Variants in MAGI3 observed in about 807,000 individuals in gnomAD.
The protein encoded by MAGI3 is membrane-associated guanylate kinase, WW and PDZ domain-containing protein 3.
Under a neutral mutation model 121.8 loss-of-function variants are expected in MAGI3, and 43 were observed. The observed-to-expected ratio is 0.35, with a 90% CI of 0.28 to 0.46. The LOEUF is 0.46. Ranked by LOEUF, MAGI3 falls within the 20% of genes least tolerant of loss-of-function variation. The pLI, the probability that MAGI3 is intolerant of heterozygous loss-of-function variation, is 1.00. For synonymous variants in MAGI3, 553 were observed against 639.3 expected (o/e 0.86, Z 2.04); for missense variants, 1,547 against 1,797.3 (o/e 0.86, Z 2.52).
At chr1:113,595,343 T>C (rs1206378506) in intron 6 of MAGI3, among the ~76,000 whole-genome samples, 1 of 151,928 alleles carries the variant, frequency 6.6e-6, no homozygotes, top group Non-Finnish European at 1.5e-5. Flanking sequence ...AAGAGTAGAG[T>C]TTTGTAAATA....
intron 2 of MAGI3, among the ~76,000 whole-genome samples, chr1:113,556,951 C>T (rs1397291941): frequency 6.6e-6 from 1 of 152,146 alleles, no homozygotes; most frequent in African/African-American, 2.4e-5. Context: ...ACAAAAACTA[C>T]CAGTGCTCAC....
At chr1:113,478,181 T>C (rs1223816225) in intron 1 of MAGI3, among the ~76,000 whole-genome samples, 1 of 152,212 alleles carries the variant, frequency 6.6e-6, no homozygotes, top group Non-Finnish European at 1.5e-5. Flanking sequence ...AACAACCTCC[T>C]TTAGCTTGGA....
intron 3 of MAGI3, 122 bp from the exon 4 acceptor site, chr1:113,585,260 GCCCAC>G: frequency 2.5e-6 from 2 of 800,332 alleles, no homozygotes; most frequent in South Asian, 1.8e-5. Context: ...GAGCCACCAT[GCCCAC>G]CCCTATGGTA....
chr1:113,667,838 T>C (rs557234505), intron 16 of MAGI3, among the ~76,000 whole-genome samples: 1 of 152,276 alleles, frequency 6.6e-6, no homozygotes, highest in Middle Eastern at 3.4e-3. Flanking sequence ...ATGATCAATA[T>C]TGTGCATCTC....
chr1:113,654,457 TTA>T (rs1486598513), intron 15 of MAGI3, among the ~76,000 whole-genome samples: 1 of 152,222 alleles, frequency 6.6e-6, no homozygotes, highest in Non-Finnish European at 1.5e-5. Context: ...CGTAGATATT[TTA>T]TGTTATTATT....
intron 2 of MAGI3, among the ~76,000 whole-genome samples, chr1:113,555,894 GAGAA>G (rs1163781207): frequency 6.6e-6 from 1 of 151,116 alleles, no homozygotes; most frequent in Non-Finnish European, 1.5e-5. Flanking sequence ...AAAAAAAATA[GAGAA>G]AGAAAGAAAT....
At chr1:113,521,221 G>A (rs746465294) in intron 1 of MAGI3, among the ~76,000 whole-genome samples, 6 of 151,382 alleles carry the variant, frequency 4.0e-5, no homozygotes, top group Non-Finnish European at 8.8e-5. Flanking sequence ...GAGTAGCTGG[G>A]ATTACAGGTG....
rs1375383774 is a variant in MAGI3 at position 113,430,706 on chromosome 1, T to A, written c.316+39357T>A. On this transcript the variant is annotated intron_variant, in intron 1 of 20. Transcript: ENST00000307546. ...TGTTCTAATAGAAGTATCTCTACATTTAAATGTCTTTGATTTCTTCATCAA... is the reference window on the plus strand; with the variant it reads ...TGTTCTAATAGAAGTATCTCTACATATAAATGTCTTTGATTTCTTCATCAA... 4.6e-4 allele frequency among the ~76,000 whole-genome samples: 70 copies of A among 152,328 alleles called. 2 individuals are homozygous for A. The highest frequency in any genetic ancestry group is 1.5e-3 in the African/African-American group (61 of 41,578).
chr1:113,546,606 G>C (rs1003007300), intron 1 of MAGI3, among the ~76,000 whole-genome samples: 3 of 151,480 alleles, frequency 2.0e-5, no homozygotes, highest in African/African-American at 4.9e-5. Context: ...CAAAGTGCTG[G>C]GATTACAGGC....
chr1:113,545,666 A>G (rs1659503772), intron 1 of MAGI3, among the ~76,000 whole-genome samples: 1 of 152,116 alleles, frequency 6.6e-6, no homozygotes, highest in Admixed American at 6.5e-5. Context: ...GAGTTCCTGG[A>G]TTTATTCATG....
chr1:113,682,159 G>GTTTT, intron 20 of MAGI3: 2 of 834,452 alleles, frequency 2.4e-6, no homozygotes, highest in South Asian at 1.7e-5. Flanking sequence ...TAACTGCACT[G>GTTTT]ATTTTTTTTT....
chr1:113,559,373 T>A (rs1034088123), intron 2 of MAGI3, among the ~76,000 whole-genome samples: 13 of 152,034 alleles, frequency 8.6e-5, no homozygotes, highest in African/African-American at 2.9e-4. Flanking sequence ...ATCAAGCCAA[T>A]GGAAAAAAGC....
intron 2 of MAGI3, among the ~76,000 whole-genome samples, chr1:113,578,415 C>T (rs1413839121): frequency 6.8e-6 from 1 of 147,830 alleles, no homozygotes; most frequent in Non-Finnish European, 1.5e-5. Context: ...CTTGAATTTC[C>T]TTTTTTTTTT....
intron 1 of MAGI3, among the ~76,000 whole-genome samples, chr1:113,470,457 A>G (rs1013075824): frequency 6.6e-6 from 1 of 152,226 alleles, no homozygotes; most frequent in African/African-American, 2.4e-5. Flanking sequence ...ACTTCATGCT[A>G]TAACCTATTG....
At chr1:113,531,615 C>T (rs1028306915) in intron 1 of MAGI3, among the ~76,000 whole-genome samples, 1 of 149,858 alleles carries the variant, frequency 6.7e-6, no homozygotes, top group Non-Finnish European at 1.5e-5. Context: ...AAAGGTCGTG[C>T]ATTTCTTTTT....
chr1:113,639,538 ATT>A (rs1652309155), intron 9 of MAGI3, among the ~76,000 whole-genome samples: 1 of 152,040 alleles, frequency 6.6e-6, no homozygotes, highest in Non-Finnish European at 1.5e-5. Flanking sequence ...AGTACCTGGG[ATT>A]ACAGGCGCAC....
chr1:113,627,776 T>A (rs1651332960), intron 9 of MAGI3, among the ~76,000 whole-genome samples: 1 of 151,868 alleles, frequency 6.6e-6, no homozygotes, highest in Non-Finnish European at 1.5e-5. Flanking sequence ...TATAATGACC[T>A]TTTTGTCTCT....
At chr1:113,681,611 T>G (rs1483051747) in intron 20 of MAGI3, among the ~76,000 whole-genome samples, 3 of 152,212 alleles carry the variant, frequency 2.0e-5, no homozygotes, top group Non-Finnish European at 4.4e-5. Context: ...ATTAAAAAAG[T>G]GTATTAGAGG....
chr1:113,400,628 T>C (rs1048135114), intron 1 of MAGI3, among the ~76,000 whole-genome samples: 1 of 152,196 alleles, frequency 6.6e-6, no homozygotes, highest in African/African-American at 2.4e-5. Context: ...TATTGATTAA[T>C]TAAGCCATGA....
Sources: gnomAD v4.1 joint callset for allele counts (sites outside exome capture counted in the v4.1 genomes callset) on GRCh38, gnomAD v4.1.1 for gene constraint, MANE v1.5 for transcripts, NCBI Gene and HGNC (gene_info 2026-07-23, HGNC 2026-07-21) for gene names.